ZC3H7B: variants seen among roughly 807,000 people sequenced by gnomAD.
ZC3H7B encodes zinc finger CCCH-type containing 7B.
In ZC3H7B, 35 loss-of-function variants were observed where a neutral mutation model predicts 116.0. That is an observed-to-expected ratio of 0.30 (90% CI 0.23 to 0.40). The LOEUF (loss-of-function observed/expected upper bound fraction) is 0.40. ZC3H7B is among the 10% of genes least tolerant of loss of function. The pLI is 1.00. For missense variants in ZC3H7B, 1,011 were observed against 1,321.5 expected (o/e 0.77, Z 3.64); for synonymous variants, 502 against 545.6 (o/e 0.92, Z 1.11).
chr22:41,314,406 C>G (rs1294820410), intron 1 of ZC3H7B, among the ~76,000 whole-genome samples: 1 of 151,912 alleles, frequency 6.6e-6, no homozygotes, highest in African/African-American at 2.4e-5. Flanking sequence ...ATCCACCTGC[C>G]TCAGCCTCCC....
chr22:41,320,300 T>G (rs2036237902), intron 1 of ZC3H7B, among the ~76,000 whole-genome samples: 1 of 148,294 alleles, frequency 6.7e-6, no homozygotes, highest in Non-Finnish European at 1.5e-5. Context: ...GCCATTGCAC[T>G]CAGCCTGGGT....
chr22:41,323,309 A>C (rs2036280531), intron 2 of ZC3H7B, among the ~76,000 whole-genome samples: 1 of 152,082 alleles, frequency 6.6e-6, no homozygotes. Flanking sequence ...TGAGGGTTTG[A>C]TTTTGGGGAA....
chr22:41,314,561 A>ACAGG (rs2036156703), intron 1 of ZC3H7B, among the ~76,000 whole-genome samples: 1 of 152,000 alleles, frequency 6.6e-6, no homozygotes, highest in Non-Finnish European at 1.5e-5. Flanking sequence ...TGCTGGGATT[A>ACAGG]CAGGCATGAG....
At chr22:41,323,168 C>A (rs2036278353) in intron 2 of ZC3H7B, among the ~76,000 whole-genome samples, 1 of 152,206 alleles carries the variant, frequency 6.6e-6, no homozygotes, top group Non-Finnish European at 1.5e-5. Context: ...GCACCCCTTC[C>A]CTGGGCTGTT....
intron 13 of ZC3H7B, among the ~76,000 whole-genome samples, 159 bp downstream of exon 13, chr22:41,343,735 G>A (rs1412959824): frequency 6.6e-6 from 1 of 152,214 alleles, no homozygotes; most frequent in Non-Finnish European, 1.5e-5. Context: ...GCCCGTGCAG[G>A]ATGAATTCCA....
chr22:41,315,246 G>A (rs907932097), intron 1 of ZC3H7B, among the ~76,000 whole-genome samples: 1 of 151,972 alleles, frequency 6.6e-6, no homozygotes, highest in Admixed American at 6.6e-5. Flanking sequence ...GCACGATCTC[G>A]GCTCAGTGCA....
chr22:41,327,420 T>G lies in ZC3H7B; in HGVS notation c.444+56T>G. 1 of 1,582,290 alleles carries G rather than the reference T, an allele frequency of 6.3e-7. No homozygotes were observed. Among genetic ancestry groups the G allele is most frequent in the Non-Finnish European group, 8.6e-7 (1 of 1,168,340 alleles). Reference sequence around the variant, plus strand: ...CTGCTCAGAGGCCAGGCTTCTGACCTTCCGGCCCTCACTTGGGCCCAGCCA... The same window carrying G: ...CTGCTCAGAGGCCAGGCTTCTGACCGTCCGGCCCTCACTTGGGCCCAGCCA... On this transcript the variant is annotated intron_variant, in intron 5 of 22. Transcript: ENST00000352645. This position sits in a 1 kb window ranked among gnomAD's most constrained non-coding sequence, Gnocchi z 4.5.
intron 17 of ZC3H7B, among the ~76,000 whole-genome samples, chr22:41,352,158 A>G (rs1405692500): frequency 1.3e-5 from 2 of 152,192 alleles, no homozygotes; most frequent in Admixed American, 6.5e-5. Context: ...TTGATGAAGA[A>G]ACGGTTCTTT....
In ZC3H7B at chr22:41,339,937, C is replaced by G; in HGVS notation, c.938C>G (p.Ser313Cys). Residue 313 changes from serine (S) to cysteine (C), a missense_variant, in exon 10 of 23, where the codon TCC (serine) becomes TGC (cysteine). Ser to Cys is a moderately radical substitution (Grantham distance 112). Around this residue, in one of 5 missense-constraint regions of ZC3H7B, gnomAD observed 322 missense variants for 443.9 expected, o/e 0.73. Transcript: ENST00000352645. Reference protein sequence around the residue: ...PPVVGGSIPVSSPLPPASFGL... With the variant: ...PPVVGGSIPVCSPLPPASFGL... The stretch of plus-strand genomic sequence containing the variant: ...GTGGTGGGTGGCTCCATCCCTGTCT[C>G]CAGCCCACTGCCCCCCGCCTCCTTC... 1 of 1,613,416 alleles carries G rather than the reference C, an allele frequency of 6.2e-7. No homozygotes were observed. The highest frequency in any genetic ancestry group is 8.5e-7 in the Non-Finnish European group (1 of 1,180,006).
chr22:41,342,675 A>C, intron 12 of ZC3H7B, 47 bp downstream of exon 12: 1 of 1,522,056 alleles, frequency 6.6e-7, no homozygotes, highest in Non-Finnish European at 9.0e-7. Context: ...GAGAACTGGG[A>C]ATCTCAGGAA....
intron 10 of ZC3H7B, among the ~76,000 whole-genome samples, chr22:41,340,408 G>C (rs1006600768): frequency 3.3e-5 from 5 of 152,082 alleles, no homozygotes; most frequent in Non-Finnish European, 7.4e-5. Context: ...TCCCTGCCCA[G>C]CCTCCCGGGA....
At chr22:41,353,521 G>A (rs2036679084) in intron 17 of ZC3H7B, among the ~76,000 whole-genome samples, 1 of 152,318 alleles carries the variant, frequency 6.6e-6, no homozygotes, top group East Asian at 1.9e-4. Flanking sequence ...GAGGACCCTC[G>A]GGCTCAGAGG....
intron 11 of ZC3H7B, 60 bp from the exon 12 acceptor site, chr22:41,342,469 G>A (rs1437318586): frequency 1.3e-6 from 2 of 1,541,952 alleles, no homozygotes. Context: ...TGCCCTGGCT[G>A]GCCCCAGTGG....
rs376363106 is a variant in ZC3H7B at position 41,340,030 on chromosome 22, C to G, written c.1031C>G (p.Pro344Arg). ...CTGGATGCCCTCGATCCCCCGGGCC[C>G]CACGCTGGACCCCCTGGACCTGCTG... ...SVLDALDPPGPTLDPLDLLPY... is the reference protein window; with the variant it reads ...SVLDALDPPGRTLDPLDLLPY... The change falls in exon 10 of 23, where the codon CCC (proline) becomes CGC (arginine). Residue 344 changes from proline to arginine, a missense_variant. Pro to Arg is a moderately radical substitution (Grantham distance 103, BLOSUM62 -2). Transcript: ENST00000352645. 6.2e-6 allele frequency: 10 copies of G among 1,611,224 alleles called. No homozygotes were observed. The highest frequency in any genetic ancestry group is 8.5e-6 in the Non-Finnish European group (10 of 1,180,010).
At chr22:41,305,807 GACCATT>G (rs974495440) in intron 1 of ZC3H7B, among the ~76,000 whole-genome samples, 1 of 152,120 alleles carries the variant, frequency 6.6e-6, no homozygotes. Context: ...GATAGATATG[GACCATT>G]AATCTGAGCT....
At position 41,302,955 on chromosome 22, in the gene ZC3H7B, C is replaced by A. The variant is rs2035992087; in HGVS notation, c.-7+1183C>A. 6.6e-6 allele frequency among the ~76,000 whole-genome samples: 1 copy of A among 152,232 alleles called. No homozygotes were observed. The highest frequency in any genetic ancestry group is 6.5e-5 in the Admixed American group (1 of 15,278). Reference sequence around the variant, plus strand: ...CCCAACTTCTTGCCATATTCCTCAGCATCTGCAGTTCAGCCTGATGAAAAT... The same window carrying A: ...CCCAACTTCTTGCCATATTCCTCAGAATCTGCAGTTCAGCCTGATGAAAAT... On this transcript the variant is annotated intron_variant, in intron 1 of 22. Transcript: ENST00000352645. The surrounding 1 kb of genome is among the most constrained non-coding windows in gnomAD (Gnocchi z 5.7).
intron 1 of ZC3H7B, among the ~76,000 whole-genome samples, chr22:41,311,606 A>G (rs1053209505): frequency 1.3e-5 from 2 of 152,120 alleles, no homozygotes; most frequent in Non-Finnish European, 2.9e-5. Flanking sequence ...TTGGACTTCC[A>G]GGTACCACTA....
rs550552371 is a variant in ZC3H7B at position 41,320,083 on chromosome 22, C to T, written c.-6-572C>T. Among the ~76,000 whole-genome samples, 93 of 147,436 alleles carry T rather than the reference C, an allele frequency of 6.3e-4. No homozygotes were observed. The Middle Eastern group carries it at 0.01, about 16-fold the overall frequency. On this transcript the variant is annotated intron_variant, in intron 1 of 22. Transcript: ENST00000352645. Reference sequence around the variant, plus strand: ...CATAGTGACTCATGCCTGTCATCCCCGCACCTTGGGAGGCTGAGGCAGATG... The same window carrying T: ...CATAGTGACTCATGCCTGTCATCCCTGCACCTTGGGAGGCTGAGGCAGATG...
At chr22:41,315,650 G>A (rs965303931) in intron 1 of ZC3H7B, among the ~76,000 whole-genome samples, 1 of 152,118 alleles carries the variant, frequency 6.6e-6, no homozygotes, top group Non-Finnish European at 1.5e-5. Flanking sequence ...TTGATTTTTG[G>A]TGAGGGCTCT....
Sources: gnomAD v4.1 joint callset for allele counts (sites outside exome capture counted in the v4.1 genomes callset) on GRCh38, gnomAD v4.1.1 for gene constraint, gnomAD v4.1.1 regional missense constraint, Gnocchi (gnomAD v3.1) non-coding constraint, MANE v1.5 for transcripts, NCBI Gene and HGNC (gene_info 2026-07-23, HGNC 2026-07-21) for gene names.